The following SLC14A2 variants were observed in gnomAD, a reference collection of about 807,000 sequenced individuals.
SLC14A2 encodes solute carrier family 14 member 2.
In SLC14A2, 91 loss-of-function variants were observed where a neutral mutation model predicts 104.6. The observed-to-expected ratio is 0.87, with a 90% CI of 0.73 to 1.04. SLC14A2 has a LOEUF of 1.04. SLC14A2 is among the 50% of genes least tolerant of loss of function. The pLI is 0.00. For missense variants in SLC14A2, 1,189 were observed against 1,156.0 expected (o/e 1.03, Z -0.41); for synonymous variants, 476 against 466.4 (o/e 1.02, Z -0.27).
chr18:45,566,934 A>G (rs1206668079), intron 2 of SLC14A2, among the ~76,000 whole-genome samples: 1 of 152,184 alleles, frequency 6.6e-6, no homozygotes, highest in African/African-American at 2.4e-5. Flanking sequence ...TAACAACTAA[A>G]AGTTTCTGCC....
At chr18:45,320,513 C>G (rs1284162476) in intron 1 of SLC14A2, among the ~76,000 whole-genome samples, 1 of 150,812 alleles carries the variant, frequency 6.6e-6, no homozygotes, top group Non-Finnish European at 1.5e-5. Flanking sequence ...GCAAGAACGT[C>G]TTCTTGCTTT....
chr18:45,245,484 T>G (rs1022699848), intron 1 of SLC14A2, among the ~76,000 whole-genome samples: 1 of 152,218 alleles, frequency 6.6e-6, no homozygotes, highest in Non-Finnish European at 1.5e-5. Context: ...CTCTATGCAG[T>G]GTAATTTCAT....
intron 1 of SLC14A2, among the ~76,000 whole-genome samples, chr18:45,465,635 C>T (rs2087126977): frequency 1.3e-5 from 2 of 152,196 alleles, no homozygotes; most frequent in Admixed American, 1.3e-4. Context: ...AGGGCCCTAT[C>T]TCAAGAAAAC....
At chr18:45,596,979 C>G (rs1031734282) in intron 2 of SLC14A2, among the ~76,000 whole-genome samples, 11 of 152,184 alleles carry the variant, frequency 7.2e-5, no homozygotes, top group African/African-American at 2.7e-4. Flanking sequence ...CTAGAAATGG[C>G]CTTTGGGCCA....
chr18:45,541,149 C>A (rs948272907), intron 2 of SLC14A2, among the ~76,000 whole-genome samples: 5 of 126,272 alleles, frequency 4.0e-5, no homozygotes, highest in African/African-American at 1.3e-4. Flanking sequence ...TGCCCCTCAA[C>A]AACAGGATTC....
intron 2 of SLC14A2, chr18:45,528,840 C>T (rs1202714823): frequency 6.6e-6 from 1 of 152,250 alleles, no homozygotes; most frequent in Non-Finnish European, 1.5e-5. Context: ...CTAGTTCACC[C>T]ACTCTGGGGC....
intron 1 of SLC14A2, among the ~76,000 whole-genome samples, chr18:45,364,503 T>C (rs1047999195): frequency 6.6e-6 from 1 of 152,238 alleles, no homozygotes; most frequent in South Asian, 2.1e-4. Context: ...AATTAACTTA[T>C]ACATGAACAT....
intron 1 of SLC14A2, among the ~76,000 whole-genome samples, chr18:45,384,186 A>C (rs1169802824): frequency 6.6e-6 from 1 of 152,180 alleles, no homozygotes; most frequent in Non-Finnish European, 1.5e-5. Context: ...TTAAACCACT[A>C]GGACCTAACC....
intron 10 of SLC14A2, among the ~76,000 whole-genome samples, chr18:45,645,079 A>G (rs1234283008): frequency 6.6e-6 from 1 of 152,058 alleles, no homozygotes; most frequent in African/African-American, 2.4e-5. Context: ...ACGTGTTCTC[A>G]CTGTTCAACT....
intron 1 of SLC14A2, among the ~76,000 whole-genome samples, chr18:45,432,612 C>T (rs2086534448): frequency 6.6e-6 from 1 of 152,180 alleles, no homozygotes; most frequent in Non-Finnish European, 1.5e-5. Flanking sequence ...GCAGCAGCCT[C>T]ACACCCAGCC....
chr18:45,491,493 G>A (rs973014741), intron 2 of SLC14A2, among the ~76,000 whole-genome samples: 1 of 152,114 alleles, frequency 6.6e-6, no homozygotes, highest in Non-Finnish European at 1.5e-5. Context: ...CTCACAGAAA[G>A]GATAAAAAGG....
At chr18:45,492,717 G>A (rs1011504770) in intron 2 of SLC14A2, among the ~76,000 whole-genome samples, 9 of 152,274 alleles carry the variant, frequency 5.9e-5, no homozygotes, top group East Asian at 1.9e-4. Context: ...TAGCTGGTTC[G>A]CAGCTAATAA....
At chr18:45,584,102 G>T (rs2044535026) in intron 2 of SLC14A2, among the ~76,000 whole-genome samples, 1 of 152,242 alleles carries the variant, frequency 6.6e-6, no homozygotes. Flanking sequence ...TGAACTTGCT[G>T]TATTTGGCTA....
intron 2 of SLC14A2, among the ~76,000 whole-genome samples, chr18:45,607,956 C>G (rs1375723149): frequency 6.6e-6 from 1 of 152,236 alleles, no homozygotes; most frequent in Non-Finnish European, 1.5e-5. Context: ...AAGAGTGCCT[C>G]TCAGTCCTTG....
At chr18:45,534,725 A>G (rs756731575) in intron 2 of SLC14A2, among the ~76,000 whole-genome samples, 10 of 152,186 alleles carry the variant, frequency 6.6e-5, no homozygotes, top group Non-Finnish European at 1.2e-4. Context: ...GAGCAAGAGT[A>G]TATAAAATTA....
At chr18:45,541,818 A>T (rs1228809643) in intron 2 of SLC14A2, among the ~76,000 whole-genome samples, 1 of 152,170 alleles carries the variant, frequency 6.6e-6, no homozygotes, top group Non-Finnish European at 1.5e-5. Context: ...CTGGGGCTTC[A>T]TGAGATATAA....
chr18:45,460,462 T>G (rs2052375), intron 1 of SLC14A2, among the ~76,000 whole-genome samples: 31,733 of 152,056 alleles, frequency 0.21, 3,742 homozygotes, highest in Non-Finnish European at 0.27. Flanking sequence ...TGACTGTTCC[T>G]GAAAGCCCTT....
At chr18:45,500,594 A>AG (rs2043183120) in intron 2 of SLC14A2, among the ~76,000 whole-genome samples, 1 of 70,930 alleles carries the variant, frequency 1.4e-5, no homozygotes, top group Non-Finnish European at 2.8e-5. Flanking sequence ...AAAAAAAAAA[A>AG]AAGAAATCCT....
intron 2 of SLC14A2, among the ~76,000 whole-genome samples, chr18:45,510,969 T>C (rs1283680070): frequency 6.6e-6 from 1 of 152,050 alleles, no homozygotes; most frequent in Non-Finnish European, 1.5e-5. Flanking sequence ...TTCCCCCTCC[T>C]CTCCTGAAAA....
Sources: allele counts gnomAD v4.1 joint callset (sites outside exome capture counted in the v4.1 genomes callset), GRCh38; gene constraint gnomAD v4.1.1; transcripts MANE v1.5; gene names NCBI Gene and HGNC (gene_info 2026-07-23, HGNC 2026-07-21).